Variants in CNTN5 observed in about 807,000 individuals in gnomAD.
CNTN5 encodes contactin-5.
A neutral mutation model predicts 129.1 loss-of-function variants in CNTN5; 77 were observed. That is an observed-to-expected ratio of 0.60 (90% CI 0.50 to 0.72). CNTN5 has a LOEUF of 0.72. CNTN5 is among the 30% of genes least tolerant of loss of function. The pLI is 0.00. For missense variants in CNTN5, 1,478 were observed against 1,328.8 expected, an observed-to-expected ratio of 1.11 and a Z score of -1.75; for synonymous variants, 509 against 465.6, an observed-to-expected ratio of 1.09 and a Z score of -1.20.
chr11:99,194,581 C>T (rs1051382693), intron 1 of CNTN5, among the ~76,000 whole-genome samples: 3 of 152,008 alleles, frequency 2.0e-5, no homozygotes, highest in South Asian at 2.1e-4. Context: ...AAGTCTTCAA[C>T]AATTTTTCAT....
intron 1 of CNTN5, among the ~76,000 whole-genome samples, chr11:99,033,248 C>T (rs997119776): frequency 5.9e-5 from 9 of 151,458 alleles, no homozygotes; most frequent in Non-Finnish European, 7.4e-5. Context: ...CTTGGCAATG[C>T]GGGCTCTTTT....
At chr11:99,750,546 TA>T (rs148259432) in intron 3 of CNTN5, among the ~76,000 whole-genome samples, 71 of 142,424 alleles carry the variant, frequency 5.0e-4, no homozygotes, top group African/African-American at 1.3e-3. Context: ...GAGTGGTAGC[TA>T]AAAAAAAAAG....
intron 4 of CNTN5, among the ~76,000 whole-genome samples, chr11:99,843,698 C>A (rs898590396): frequency 2.6e-5 from 4 of 152,050 alleles, no homozygotes; most frequent in Non-Finnish European, 5.9e-5. Flanking sequence ...CTACTGGAAT[C>A]TAGTGGGTAG....
intron 8 of CNTN5, among the ~76,000 whole-genome samples, chr11:99,993,453 A>G (rs1939251196): frequency 6.6e-6 from 1 of 152,152 alleles, no homozygotes; most frequent in Non-Finnish European, 1.5e-5. Flanking sequence ...CCAGGGATCA[A>G]CTTCATGGAG....
chr11:99,990,598 C>A (rs1939021125), intron 8 of CNTN5, among the ~76,000 whole-genome samples: 1 of 151,780 alleles, frequency 6.6e-6, no homozygotes, highest in Non-Finnish European at 1.5e-5. Flanking sequence ...GTAACATAAG[C>A]CATTTATGTC....
At chr11:100,046,711 A>G (rs1353869401) in intron 9 of CNTN5, among the ~76,000 whole-genome samples, 1 of 152,258 alleles carries the variant, frequency 6.6e-6, no homozygotes, top group Non-Finnish European at 1.5e-5. Flanking sequence ...TATTAAAACA[A>G]TTTTGGACTG....
chr11:99,093,906 T>C (rs7123619), intron 1 of CNTN5, among the ~76,000 whole-genome samples: 3,317 of 152,056 alleles, frequency 0.022, 130 homozygotes, highest in African/African-American at 0.077. Context: ...CCCCTGTGCC[T>C]CATGGCCATA....
chr11:99,435,354 G>A (rs1943558073), intron 2 of CNTN5, among the ~76,000 whole-genome samples: 1 of 152,114 alleles, frequency 6.6e-6, no homozygotes, highest in African/African-American at 2.4e-5. Flanking sequence ...CTGTCCAGGT[G>A]ACATATCAGC....
chr11:100,095,811 G>A (rs775839148), intron 13 of CNTN5, among the ~76,000 whole-genome samples: 1 of 152,076 alleles, frequency 6.6e-6, no homozygotes, highest in African/African-American at 2.4e-5. Context: ...TTATCTACAC[G>A]TGTGCCTTCG....
intron 2 of CNTN5, among the ~76,000 whole-genome samples, chr11:99,555,905 A>T (rs1192743778): frequency 6.6e-6 from 1 of 151,878 alleles, no homozygotes; most frequent in Non-Finnish European, 1.5e-5. Context: ...TCTGTATGGG[A>T]GTATTCAATG....
At chr11:100,315,489 A>G (rs901568544) in intron 21 of CNTN5, among the ~76,000 whole-genome samples, 2 of 152,204 alleles carry the variant, frequency 1.3e-5, no homozygotes, top group Non-Finnish European at 2.9e-5. Flanking sequence ...AAAGTGATCA[A>G]TGGTAAGGGG....
At chr11:99,655,359 G>C (rs991391914) in intron 3 of CNTN5, among the ~76,000 whole-genome samples, 2 of 152,108 alleles carry the variant, frequency 1.3e-5, no homozygotes, top group African/African-American at 2.4e-5. Context: ...ACTAAGTTAT[G>C]ATTATATTTC....
chr11:99,363,387 T>G (rs1001026113), intron 2 of CNTN5, among the ~76,000 whole-genome samples: 1 of 152,134 alleles, frequency 6.6e-6, no homozygotes, highest in Non-Finnish European at 1.5e-5. Context: ...TAATCAACTT[T>G]TACTAGGTTA....
At chr11:100,253,511 T>C (rs1950011275) in intron 16 of CNTN5, among the ~76,000 whole-genome samples, 1 of 152,172 alleles carries the variant, frequency 6.6e-6, no homozygotes, top group Admixed American at 6.6e-5. Context: ...ATGAACAATT[T>C]AATGTTTGCA....
chr11:99,416,903 C>T (rs549077733), intron 2 of CNTN5, among the ~76,000 whole-genome samples: 3 of 152,122 alleles, frequency 2.0e-5, no homozygotes, highest in Admixed American at 6.6e-5. Context: ...CTTGTTGTTA[C>T]TTACTCATAT....
At chr11:99,106,045 T>C (rs1009972062) in intron 1 of CNTN5, among the ~76,000 whole-genome samples, 3 of 152,122 alleles carry the variant, frequency 2.0e-5, no homozygotes, top group Non-Finnish European at 4.4e-5. Flanking sequence ...AACTTCATGG[T>C]CTAAGAAAAT....
At chr11:100,171,867 T>C (rs1947837879) in intron 13 of CNTN5, among the ~76,000 whole-genome samples, 1 of 151,942 alleles carries the variant, frequency 6.6e-6, no homozygotes, top group African/African-American at 2.4e-5. Context: ...CTCTAATATA[T>C]AGTAGAAAAA....
chr11:100,129,106 T>C (rs758315518), intron 13 of CNTN5, among the ~76,000 whole-genome samples: 3 of 152,190 alleles, frequency 2.0e-5, no homozygotes, highest in Non-Finnish European at 4.4e-5. Flanking sequence ...GTACACTGTT[T>C]GAAATAGAGT....
chr11:99,333,021 T>G (rs1278794641), intron 2 of CNTN5, among the ~76,000 whole-genome samples: 2 of 152,090 alleles, frequency 1.3e-5, no homozygotes, highest in African/African-American at 4.8e-5. Context: ...TAGTGATAAT[T>G]TCATGTGTGA....
Sources: gnomAD v4.1 joint callset for allele counts (sites outside exome capture counted in the v4.1 genomes callset) on GRCh38, gnomAD v4.1.1 for gene constraint, MANE v1.5 for transcripts, NCBI Gene and HGNC (gene_info 2026-07-23, HGNC 2026-07-21) for gene names.